The following EPS8 variants were observed in gnomAD, a reference collection of about 807,000 sequenced individuals.
EPS8 encodes EGFR pathway substrate 8, signaling adaptor.
Under a neutral mutation model 103.8 loss-of-function variants are expected in EPS8, and 42 were observed. That is an observed-to-expected ratio of 0.40 (90% CI 0.32 to 0.52). The LOEUF is 0.52. Among genes scored for constraint, EPS8 ranks in the 20% least tolerant of loss-of-function variants. EPS8 has a pLI of 0.40. For missense variants in EPS8, 969 were observed against 1,005.1 expected (o/e 0.96, Z 0.49); for synonymous variants, 344 against 344.6 (o/e 1.00, Z 0.02).
intron 1 of EPS8, among the ~76,000 whole-genome samples, chr12:15,722,809 A>C (rs1238054228): frequency 6.6e-6 from 1 of 152,140 alleles, no homozygotes. Flanking sequence ...TTAAGGCACA[A>C]ATCCCGTTCA....
rs12229207 is a variant in EPS8, at chr12:15,781,329, C to T, written c.-22+7832G>A. ...AAATAAAAGAATGTAATTAAGGACACTCTGGCCATCCTTGCCCTTTTTCTT... is the reference window on the plus strand; with the variant it reads ...AAATAAAAGAATGTAATTAAGGACATTCTGGCCATCCTTGCCCTTTTTCTT... On this transcript the variant is annotated intron_variant, in intron 1 of 20. Coordinates refer to ENST00000281172, the MANE Select transcript of EPS8 (RefSeq NM_004447.6). This position sits in a 1 kb window ranked among gnomAD's most constrained non-coding sequence, Gnocchi z 4.1. Among the ~76,000 whole-genome samples, 164 of 152,248 alleles carry T rather than the reference C, an allele frequency of 1.1e-3. 2 individuals carry two copies. The East Asian group carries it at 0.031, about 28-fold the overall frequency.
At chr12:15,770,001 G>A (rs1311016381) in intron 1 of EPS8, among the ~76,000 whole-genome samples, 1 of 150,208 alleles carries the variant, frequency 6.7e-6, no homozygotes, top group Non-Finnish European at 1.5e-5. Context: ...GCAGTGTAGT[G>A]GCATGATCTT....
intron 10 of EPS8, 132 bp from the exon 11 acceptor site, chr12:15,658,717 C>A: frequency 1.5e-6 from 1 of 661,004 alleles, no homozygotes; most frequent in Non-Finnish European, 2.7e-6. Context: ...TACCGTGCTA[C>A]ATCTCATAGT....
Position 15,658,490 on chromosome 12 carries a change from C to A in EPS8, c.1026+7G>T. Reference sequence around the variant, plus strand: ...CTTCTAATTCTATATACATAAATTTCACTTACCAGAAGGTTAAATCCGTGT... The same window carrying A: ...CTTCTAATTCTATATACATAAATTTAACTTACCAGAAGGTTAAATCCGTGT... On this transcript the variant is annotated splice_region_variant and intron_variant, in intron 11 of 20. Coordinates refer to ENST00000281172, the MANE Select transcript of EPS8 (RefSeq NM_004447.6). 2.6e-6 allele frequency: 4 copies of A among 1,553,774 alleles called. No individual in the cohort carries two copies. Among genetic ancestry groups the A allele is most frequent in the Non-Finnish European group, 3.6e-6 (4 of 1,126,232 alleles).
intron 1 of EPS8, among the ~76,000 whole-genome samples, chr12:15,755,738 G>A (rs1485988015): frequency 2.0e-5 from 3 of 151,992 alleles, no homozygotes; most frequent in Middle Eastern, 3.4e-3. Flanking sequence ...CTCCACCCTC[G>A]TCCCTTCCTG....
At chr12:15,675,759 G>A (rs1232312485) in intron 3 of EPS8, among the ~76,000 whole-genome samples, 2 of 152,172 alleles carry the variant, frequency 1.3e-5, no homozygotes, top group African/African-American at 4.8e-5. Context: ...GTTTTCTAGA[G>A]ATAAAATGAC....
chr12:15,743,790 C>A (rs1406611467), intron 1 of EPS8, among the ~76,000 whole-genome samples: 1 of 152,068 alleles, frequency 6.6e-6, no homozygotes, highest in Non-Finnish European at 1.5e-5. Context: ...ACATGTTAGA[C>A]CTAAAACCAT....
At chr12:15,740,895 G>A (rs1195022107) in intron 1 of EPS8, among the ~76,000 whole-genome samples, 1 of 152,186 alleles carries the variant, frequency 6.6e-6, no homozygotes. Context: ...ACGTGGATTG[G>A]TAATGATAGA....
At chr12:15,719,618 A>G (rs1249450097) in intron 1 of EPS8, among the ~76,000 whole-genome samples, 4 of 152,330 alleles carry the variant, frequency 2.6e-5, no homozygotes, top group Non-Finnish European at 5.9e-5. Flanking sequence ...AAAACGGTTT[A>G]ATTTCTTTGA....
chr12:15,624,649 C>T (rs532888903), intron 18 of EPS8, among the ~76,000 whole-genome samples: 1 of 152,174 alleles, frequency 6.6e-6, no homozygotes. Flanking sequence ...CTGGTTAAAC[C>T]TAACTTTCTG....
chr12:15,654,031 T>C, intron 13 of EPS8, 114 bp downstream of exon 13: 1 of 1,033,958 alleles, frequency 9.7e-7, no homozygotes, highest in Non-Finnish European at 1.4e-6. Context: ...GTTTAGGTTT[T>C]TTCATCCTAT....
rs183415985 is a variant in EPS8, at chr12:15,752,500, C to T, written c.-22+36661G>A. 2.4e-4 allele frequency among the ~76,000 whole-genome samples: 37 copies of T among 152,006 alleles called. No individual in the cohort carries two copies. Among genetic ancestry groups the T allele is most frequent in the Admixed American group, 1.1e-3 (17 of 15,256 alleles). ...AAATAAATTCCCCTAAAGAGCTGGC[C>T]CCTCTAGCCTAAGTTGAGCCTTTTA... On this transcript the variant is annotated intron_variant, in intron 1 of 20. Coordinates refer to ENST00000281172, the MANE Select transcript of EPS8 (RefSeq NM_004447.6). The surrounding 1 kb of genome is among the most constrained non-coding windows in gnomAD (Gnocchi z 4.4).
At chr12:15,676,648 A>T (rs1273784179) in intron 3 of EPS8, among the ~76,000 whole-genome samples, 2 of 152,232 alleles carry the variant, frequency 1.3e-5, no homozygotes, top group African/African-American at 2.4e-5. Context: ...TTAGTGCTTA[A>T]AGGCTTTGAC....
At chr12:15,719,072 A>T (rs1380681680) in intron 1 of EPS8, among the ~76,000 whole-genome samples, 3 of 152,134 alleles carry the variant, frequency 2.0e-5, no homozygotes, top group Admixed American at 2.0e-4. Flanking sequence ...TAAATACAAA[A>T]AAGGAACTGT....
At chr12:15,641,387 A>C (rs1391858817) in intron 16 of EPS8, among the ~76,000 whole-genome samples, 13 of 151,798 alleles carry the variant, frequency 8.6e-5, no homozygotes, top group Non-Finnish European at 1.8e-4. Flanking sequence ...GTTGTCTCTT[A>C]TTGAACTATT....
intron 15 of EPS8, among the ~76,000 whole-genome samples, chr12:15,645,853 A>T (rs1945310895): frequency 6.6e-6 from 1 of 152,228 alleles, no homozygotes; most frequent in Admixed American, 6.5e-5. Context: ...TCTAGTGTCA[A>T]TATGTACTCT....
chr12:15,744,774 T>C (rs1296322772), intron 1 of EPS8, among the ~76,000 whole-genome samples: 1 of 152,222 alleles, frequency 6.6e-6, no homozygotes, highest in Non-Finnish European at 1.5e-5. Context: ...CAAACAAGAA[T>C]TTAATTAAAC....
intron 17 of EPS8, 73 bp from the exon 18 acceptor site, chr12:15,631,737 G>C: frequency 8.5e-7 from 1 of 1,183,102 alleles, no homozygotes; most frequent in East Asian, 2.6e-5. Flanking sequence ...ATTATACTTT[G>C]ATAGGACATT....
chr12:15,685,300 C>T (rs548284521), intron 1 of EPS8, among the ~76,000 whole-genome samples: 7 of 152,146 alleles, frequency 4.6e-5, no homozygotes, highest in East Asian at 1.9e-4. Flanking sequence ...CTTCGTCTTC[C>T]GAGCTCACAG....
Sources: gnomAD v4.1 joint callset for allele counts (sites outside exome capture counted in the v4.1 genomes callset) on GRCh38, gnomAD v4.1.1 for gene constraint, Gnocchi (gnomAD v3.1) non-coding constraint, MANE v1.5 for transcripts, NCBI Gene and HGNC (gene_info 2026-07-23, HGNC 2026-07-21) for gene names.